The following ZNF444 variants were observed in gnomAD, a reference collection of about 807,000 sequenced individuals.
ZNF444 encodes zinc finger protein 444.
A neutral mutation model predicts 14.4 loss-of-function variants in ZNF444; 8 were observed. The ratio of observed to expected loss-of-function variants is 0.56; its 90% CI spans 0.33 to 1.00. ZNF444 has a LOEUF of 1.00. Among genes scored for constraint, ZNF444 ranks in the 50% least tolerant of loss-of-function variants. The probability of loss-of-function intolerance (pLI) is 0.03; values close to 1 mark genes in which losing one functional copy is unlikely to be tolerated. For synonymous variants in ZNF444, 258 were observed against 235.9 expected (o/e 1.09, Z -0.86); for missense variants, 510 against 504.8 (o/e 1.01, Z -0.10).
rs2031297658 is a variant in ZNF444, at chr19:56,147,798, C to G, written c.297+590C>G. Among the ~76,000 whole-genome samples the G allele has an allele frequency of 6.6e-6, 1 of 152,118 alleles. No individual in the cohort carries two copies. Among genetic ancestry groups the G allele is most frequent in the African/African-American group, 2.4e-5 (1 of 41,416 alleles). ...TATCATGCGTGAGGCTCCAAGGGCT[C>G]AGAGATGACTTCCCAGGGGCAGAGG... On this transcript the variant is annotated intron_variant, in intron 3 of 4. Transcript: ENST00000337080. This position sits in a 1 kb window ranked among gnomAD's most constrained non-coding sequence, Gnocchi z 5.9.
chr19:56,141,620 AGGGAGAGGAC>A (rs2030814547), intron 1 of ZNF444: 1 of 70,234 alleles, frequency 1.4e-5, no homozygotes, highest in Non-Finnish European at 3.0e-5. Context: ...AGAAATGCTG[AGGGAGAGGAC>A]GGGGGAGGGG....
At chr19:56,135,962 A>C (rs762912121) in intron 1 of ZNF444, among the ~76,000 whole-genome samples, 5 of 150,788 alleles carry the variant, frequency 3.3e-5, no homozygotes, top group African/African-American at 7.3e-5. Flanking sequence ...CGTGCCTGTA[A>C]TCCCAGCCAC....
Position 56,160,075 on chromosome 19 carries a change from C to T in ZNF444, c.858C>T (p.Gly286=). 6.7e-7 allele frequency: 1 copy of T among 1,502,232 alleles called. No individual in the cohort carries two copies. Among genetic ancestry groups the T allele is most frequent in the Non-Finnish European group, 8.8e-7 (1 of 1,130,718 alleles). 93.1% of individuals were successfully genotyped at this position (1,502,232 alleles called of 1,614,324 possible). A position where few individuals can be genotyped will look rare whatever the true frequency, so the allele number is the denominator to read the frequency against. ...RPFACWECGK[G]FGRREHVLRH... ...TTGCCTGCTGGGAGTGTGGCAAGGG[C>T]TTCGGGCGCCGCGAGCACGTGCTGC... The change falls in exon 5 of 5, where the codon GGC becomes GGT. Residue 286 remains glycine, a synonymous_variant. Coordinates refer to ENST00000337080, the MANE Select transcript of ZNF444 (RefSeq NM_018337.4).
Position 56,159,874 on chromosome 19 carries a change from G to A in ZNF444, c.657G>A (p.Lys219=), listed in dbSNP as rs2032171059. 6 of 1,533,368 alleles carry A rather than the reference G, an allele frequency of 3.9e-6. No individual in the cohort carries two copies. The highest frequency in any genetic ancestry group is 4.4e-6 in the Non-Finnish European group (5 of 1,145,754). 95.0% of individuals were successfully genotyped at this position (1,533,368 alleles called of 1,614,324 possible). ...AGTGCGGGAAGGCCTTTCGGCGCAAGGAGCACCTGCGGCGCCACCGCGACA... is the reference window on the plus strand; with the variant it reads ...AGTGCGGGAAGGCCTTTCGGCGCAAAGAGCACCTGCGGCGCCACCGCGACA... ...CPECGKAFRR[K]EHLRRHRDTH... The change falls in exon 5 of 5, where the codon AAG becomes AAA. Residue 219 remains lysine, a synonymous_variant. Coordinates refer to ENST00000337080, the MANE Select transcript of ZNF444 (RefSeq NM_018337.4).
Position 56,146,918 on chromosome 19 carries a change from G to A in ZNF444, c.7G>A (p.Val3Met). The A allele has an allele frequency of 7.0e-7, 1 of 1,431,242 alleles. No homozygotes were observed. Among genetic ancestry groups the A allele is most frequent in the Non-Finnish European group, 9.1e-7 (1 of 1,101,980 alleles). The allele number at this position is 1,431,242 out of a possible 1,614,324, so 88.7% of individuals were successfully genotyped here. The change falls in exon 3 of 5, where the codon GTG (valine) becomes ATG (methionine). Residue 3 changes from valine (V) to methionine (M), a missense_variant. Transcript: ENST00000337080. ...CTGCGGTCCGGGAGGCCCCATGGAG[G>A]TGGCGGTGCCCGTGAAGCAGGAGGC... MEVAVPVKQEAEG... is the reference protein window; with the variant it reads MEMAVPVKQEAEG...
intron 3 of ZNF444, chr19:56,157,673 G>A (rs2123555739): frequency 6.6e-6 from 1 of 152,422 alleles, no homozygotes; most frequent in Admixed American, 6.5e-5. Context: ...AAAGTGCTGG[G>A]ATTACAGGTG....
At position 56,160,038 on chromosome 19, in the gene ZNF444, G is replaced by C; in HGVS notation, c.821G>C (p.Gly274Ala). The change falls in exon 5 of 5, where the codon GGA (glycine) becomes GCA (alanine). Residue 274 changes from glycine to alanine, a missense_variant. Coordinates refer to ENST00000337080, the MANE Select transcript of ZNF444 (RefSeq NM_018337.4). Reference protein sequence around the residue: ...HLVRHRKTHSGARPFACWECG... With the variant: ...HLVRHRKTHSAARPFACWECG... ...GTGCGCCACCGCAAGACGCACTCGG[G>C]AGCGCGGCCCTTTGCCTGCTGGGAG... 6.6e-7 allele frequency: 1 copy of C among 1,509,242 alleles called. No homozygotes were observed. Among genetic ancestry groups the C allele is most frequent in the East Asian group, 2.6e-5 (1 of 38,060 alleles). The allele number at this position is 1,509,242 out of a possible 1,614,324, so 93.5% of individuals were successfully genotyped here. A position where few individuals can be genotyped will look rare whatever the true frequency, so the allele number is the denominator to read the frequency against.
At chr19:56,151,685 T>C in intron 3 of ZNF444, 2 of 433,286 alleles carry the variant, frequency 4.6e-6, no homozygotes, top group Non-Finnish European at 9.1e-6. Flanking sequence ...GGGGCGCTGC[T>C]GTGCATTGGG....
chr19:56,149,380 C>T (rs1320114746), intron 3 of ZNF444, among the ~76,000 whole-genome samples: 1 of 143,974 alleles, frequency 6.9e-6, no homozygotes. Flanking sequence ...TGACCTTGAC[C>T]TCTGCTTCCA....
rs1420251841 is a variant in ZNF444 at position 56,133,546 on chromosome 19, C to CGG, written c.-197+768_-197+769insGG. ...GTGATTCTCAGGCCGGGCGCGATGG[C>CGG]TCACGCCTGTAATCCCAGCACTTCG... On this transcript the variant is annotated intron_variant, in intron 1 of 2. Transcript: ENST00000587467. Among the ~76,000 whole-genome samples the CGG allele has an allele frequency of 3.7e-3, 553 of 151,052 alleles. 3 individuals carry two copies. Among genetic ancestry groups the CGG allele is most frequent in the African/African-American group, 0.013 (532 of 40,580 alleles).
intron 4 of ZNF444, 127 bp from the exon 5 acceptor site, chr19:56,159,497 G>A: frequency 1.2e-6 from 1 of 807,306 alleles, no homozygotes; most frequent in Non-Finnish European, 1.8e-6. Flanking sequence ...GAAGCCCACA[G>A]CCCAGCCCTC....
rs2031041634 is a variant in ZNF444 at position 56,144,485 on chromosome 19, A to T, written c.-196-1762A>T. On this transcript the variant is annotated intron_variant, in intron 1 of 4. Coordinates refer to ENST00000337080, the MANE Select transcript of ZNF444 (RefSeq NM_018337.4). This position sits in a 1 kb window ranked among gnomAD's most constrained non-coding sequence, Gnocchi z 4.0. ...GGCACTGAGCAAGGAAGTGACAGGG[A>T]TTTACAGTGAAAAAGTTTTTGTGAT... is the stretch of plus-strand genomic sequence containing the variant. 6.6e-6 allele frequency among the ~76,000 whole-genome samples: 1 copy of T among 152,042 alleles called. No homozygotes were observed. The highest frequency in any genetic ancestry group is 2.1e-4 in the South Asian group (1 of 4,816).
In ZNF444 at chr19:56,147,160, G is replaced by T; in HGVS notation, c.249G>T (p.Arg83=). The T allele has an allele frequency of 6.6e-7, 1 of 1,509,722 alleles. No homozygotes were observed. 93.5% of individuals were successfully genotyped at this position (1,509,722 alleles called of 1,614,324 possible). The change falls in exon 3 of 5, where the codon CGG becomes CGT. Residue 83 remains arginine (R), a synonymous_variant. Coordinates refer to ENST00000337080, the MANE Select transcript of ZNF444 (RefSeq NM_018337.4). The surrounding 1 kb of genome is among the most constrained non-coding windows in gnomAD (Gnocchi z 5.9). ...PADTQAWVCS[R]QPQSGEEAVA... ...ACACGCAGGCCTGGGTGTGCAGCCG[G>T]CAGCCGCAGAGCGGGGAGGAGGCGG...
intron 1 of ZNF444, among the ~76,000 whole-genome samples, chr19:56,135,908 G>T (rs550556855): frequency 6.6e-6 from 1 of 151,116 alleles, no homozygotes; most frequent in Non-Finnish European, 1.5e-5. Context: ...GTGAAACCCC[G>T]TCTCTACTAA....
chr19:56,160,208 C>T lies in ZNF444; in HGVS notation c.*7C>T, dbSNP rs754707088. ...GCCCTGGCCCTTGGGTTAGCCGCCT[C>T]CCGGCCAGCGCCATCTCCCGCCCTT... On this transcript the variant is annotated 3_prime_UTR_variant, in exon 5 of 5. Transcript: ENST00000337080. 8.4e-5 allele frequency: 121 copies of T among 1,434,932 alleles called. No individual in the cohort carries two copies. In the Middle Eastern group the frequency reaches 2.0e-3, roughly 24 times the overall value. 88.9% of individuals were successfully genotyped at this position (1,434,932 alleles called of 1,614,324 possible).
intron 3 of ZNF444, among the ~76,000 whole-genome samples, chr19:56,148,045 C>CA (rs60772303): frequency 1.6e-3 from 247 of 152,112 alleles, no homozygotes; most frequent in African/African-American, 4.9e-3. Context: ...AGAGTCCTGT[C>CA]GGGGGATGTG....
At chr19:56,148,859 C>T (rs566683200) in intron 3 of ZNF444, among the ~76,000 whole-genome samples, 2 of 152,260 alleles carry the variant, frequency 1.3e-5, no homozygotes, top group African/African-American at 4.8e-5. Context: ...CACGTCCCTT[C>T]TCAAGTCTCC....
At chr19:56,148,525 T>C (rs2031353416) in intron 3 of ZNF444, among the ~76,000 whole-genome samples, 1 of 152,026 alleles carries the variant, frequency 6.6e-6, no homozygotes, top group African/African-American at 2.4e-5. Context: ...GCAGCTCCCG[T>C]CAAGGCTGCC....
intron 1 of ZNF444, chr19:56,141,787 T>A (rs1358493522): frequency 6.6e-6 from 1 of 151,544 alleles, no homozygotes; most frequent in African/African-American, 2.4e-5. Flanking sequence ...CCGGACCCCT[T>A]CGGAAAGGTT....
Sources: gnomAD v4.1 joint callset for allele counts (sites outside exome capture counted in the v4.1 genomes callset) on GRCh38, gnomAD v4.1.1 for gene constraint, Gnocchi (gnomAD v3.1) non-coding constraint, MANE v1.5 for transcripts, NCBI Gene and HGNC (gene_info 2026-07-23, HGNC 2026-07-21) for gene names.